NBEAL1: variants seen among roughly 807,000 people sequenced by gnomAD.
NBEAL1 encodes the protein neurobeachin-like protein 1.
Under a neutral mutation model 351.3 loss-of-function variants are expected in NBEAL1, and 273 were observed. The ratio of observed to expected loss-of-function variants is 0.78; its 90% CI spans 0.70 to 0.86. NBEAL1 has a LOEUF of 0.86. NBEAL1 is among the 40% of genes least tolerant of loss of function. The pLI is 0.00. For missense variants in NBEAL1, 2,961 were observed against 3,201.3 expected (o/e 0.92, Z 1.81); for synonymous variants, 1,050 against 1,086.4 (o/e 0.97, Z 0.66).
chr2:203,091,675 A>G (rs1349801607), intron 10 of NBEAL1, among the ~76,000 whole-genome samples: 1 of 152,018 alleles, frequency 6.6e-6, no homozygotes, highest in Non-Finnish European at 1.5e-5. Flanking sequence ...CCTAATGGGT[A>G]TGAGGTAGTA....
At chr2:203,209,933 T>TA (rs1205555400) in intron 53 of NBEAL1, among the ~76,000 whole-genome samples, 1 of 152,042 alleles carries the variant, frequency 6.6e-6, no homozygotes, top group Non-Finnish European at 1.5e-5. Context: ...TAATTTTTGT[T>TA]AGAGACGAGG....
Position 203,112,908 on chromosome 2 carries a change from A to G in NBEAL1, c.2203-107A>G. The G allele has an allele frequency of 1.9e-6, 2 of 1,072,226 alleles. 1 individual carries two copies. Among genetic ancestry groups the G allele is most frequent in the Non-Finnish European group, 2.5e-6 (2 of 794,066 alleles). 66.4% of individuals were successfully genotyped at this position (1,072,226 alleles called of 1,614,324 possible). On this transcript the variant is annotated intron_variant, in intron 16 of 55. Transcript: ENST00000683969. ...TAAAACTGCTTCCACTTTTATTTTC[A>G]ATGTATTTATTTGTGTAATTTTATG...
At chr2:203,027,625 T>C (rs1429172529) in intron 2 of NBEAL1, among the ~76,000 whole-genome samples, 3 of 152,224 alleles carry the variant, frequency 2.0e-5, no homozygotes, top group Non-Finnish European at 4.4e-5. Flanking sequence ...CTCTTTTTTA[T>C]TGAGTGATTT....
At chr2:203,172,291 C>G (rs12999611) in intron 40 of NBEAL1, among the ~76,000 whole-genome samples, 17 of 151,982 alleles carry the variant, frequency 1.1e-4, no homozygotes, top group African/African-American at 1.7e-4. Flanking sequence ...GAAGCCAAGG[C>G]GGGTGGATCA....
chr2:203,039,691 G>A (rs1004021611), intron 2 of NBEAL1, among the ~76,000 whole-genome samples: 4 of 152,158 alleles, frequency 2.6e-5, no homozygotes, highest in African/African-American at 9.7e-5. Flanking sequence ...ACTGTGCCTG[G>A]TGTATTTTCT....
chr2:203,136,851 T>G, intron 29 of NBEAL1, 77 bp downstream of exon 29: 1 of 1,257,978 alleles, frequency 7.9e-7, no homozygotes, highest in Non-Finnish European at 1.1e-6. Context: ...TTATTGAACA[T>G]TTATTCAGTA....
At chr2:203,056,335 C>T in intron 4 of NBEAL1, 92 bp from the exon 5 acceptor site, 1 of 713,532 alleles carries the variant, frequency 1.4e-6, no homozygotes, top group Non-Finnish European at 2.5e-6. Context: ...TTTTGTTTGC[C>T]AGCATGTGTT....
intron 54 of NBEAL1, among the ~76,000 whole-genome samples, chr2:203,211,507 C>T (rs1340359807): frequency 6.6e-6 from 1 of 151,978 alleles, no homozygotes; most frequent in East Asian, 1.9e-4. Flanking sequence ...ATTAGCTGAG[C>T]ATGGTAGCAT....
chr2:203,044,498 C>T (rs1175161657), intron 3 of NBEAL1, among the ~76,000 whole-genome samples: 4 of 152,088 alleles, frequency 2.6e-5, no homozygotes, highest in African/African-American at 9.7e-5. Flanking sequence ...CCATACATTA[C>T]CAGTGTCTCT....
intron 35 of NBEAL1, among the ~76,000 whole-genome samples, chr2:203,157,006 A>G (rs1249196028): frequency 6.6e-6 from 1 of 152,312 alleles, no homozygotes; most frequent in South Asian, 2.1e-4. Context: ...CCTTTCATAT[A>G]CATAACAACC....
intron 18 of NBEAL1, among the ~76,000 whole-genome samples, chr2:203,116,282 C>T (rs911595608): frequency 3.3e-5 from 5 of 152,002 alleles, no homozygotes; most frequent in African/African-American, 1.2e-4. Flanking sequence ...TTATGTCATC[C>T]CTGTGGTACT....
intron 4 of NBEAL1, 91 bp downstream of exon 4, chr2:203,050,066 C>A: frequency 8.3e-7 from 1 of 1,203,596 alleles, no homozygotes. Context: ...ACATCACACA[C>A]TGGGCCTATT....
chr2:203,028,184 A>ATT (rs925239759), intron 2 of NBEAL1, among the ~76,000 whole-genome samples: 2 of 142,436 alleles, frequency 1.4e-5, no homozygotes. Context: ...GCCTGGCCCA[A>ATT]TTTTTTTTTT....
chr2:203,147,125 C>T (rs1398596638), intron 33 of NBEAL1, among the ~76,000 whole-genome samples: 1 of 152,110 alleles, frequency 6.6e-6, no homozygotes, highest in Non-Finnish European at 1.5e-5. Flanking sequence ...TATTCATTCT[C>T]ACCACTGTTA....
chr2:203,149,402 A>C (rs2063594205), intron 34 of NBEAL1, among the ~76,000 whole-genome samples: 1 of 152,014 alleles, frequency 6.6e-6, no homozygotes, highest in African/African-American at 2.4e-5. Flanking sequence ...ACTCTTAGAG[A>C]GTGTTAAACC....
chr2:203,170,877 G>A (rs924628705), intron 39 of NBEAL1, among the ~76,000 whole-genome samples: 5 of 152,032 alleles, frequency 3.3e-5, no homozygotes, highest in East Asian at 3.9e-4. Context: ...TAAAATAGTT[G>A]GATAGTTTTA....
chr2:203,160,358 G>A (rs1361184365), intron 36 of NBEAL1, among the ~76,000 whole-genome samples: 1 of 152,162 alleles, frequency 6.6e-6, no homozygotes, highest in African/African-American at 2.4e-5. Context: ...CTGGATTACA[G>A]GCGTGAGCCA....
At chr2:203,086,552 T>C (rs2061964654) in intron 10 of NBEAL1, among the ~76,000 whole-genome samples, 1 of 152,222 alleles carries the variant, frequency 6.6e-6, no homozygotes, top group Admixed American at 6.5e-5. Flanking sequence ...TTTCTTATCT[T>C]ATCCCTACAG....
intron 2 of NBEAL1, among the ~76,000 whole-genome samples, chr2:203,030,756 G>A (rs2060937475): frequency 6.6e-6 from 1 of 152,194 alleles, no homozygotes; most frequent in South Asian, 2.1e-4. Flanking sequence ...ACCAGGTACA[G>A]TGGCTCACAC....
Sources: gnomAD v4.1 joint callset for allele counts (sites outside exome capture counted in the v4.1 genomes callset) on GRCh38, gnomAD v4.1.1 for gene constraint, MANE v1.5 for transcripts, NCBI Gene and HGNC (gene_info 2026-07-23, HGNC 2026-07-21) for gene names.